MAP2K2: variants seen among roughly 807,000 people sequenced by gnomAD.
MAP2K2 encodes dual specificity mitogen-activated protein kinase kinase 2.
Under a neutral mutation model 43.7 loss-of-function variants are expected in MAP2K2, and 24 were observed. The observed-to-expected ratio is 0.55, with a 90% confidence interval of 0.40 to 0.77. The LOEUF (loss-of-function observed/expected upper bound fraction) is 0.77. Ranked by LOEUF, MAP2K2 falls within the 30% of genes least tolerant of loss-of-function variation. The probability of loss-of-function intolerance (pLI) is 0.00; values close to 1 mark genes in which losing one functional copy is unlikely to be tolerated. For synonymous variants in MAP2K2, 244 were observed against 239.7 expected (o/e 1.02, Z -0.17); for missense variants, 470 against 566.8 (o/e 0.83, Z 1.73).
chr19:4,118,311 G>A (rs2041252945), intron 1 of MAP2K2, among the ~76,000 whole-genome samples: 1 of 151,564 alleles, frequency 6.6e-6, no homozygotes, highest in African/African-American at 2.4e-5. Context: ...TCGGGTGAAC[G>A]GAGCCCGGGC....
chr19:4,101,100 G>T lies in MAP2K2; in HGVS notation c.624C>A (p.Ile208=), dbSNP rs1358415766. The change falls in exon 6 of 11, where the codon ATC becomes ATA. Residue 208 remains isoleucine (I), a synonymous_variant. Transcript: ENST00000262948. The surrounding 1 kb of genome is among the most constrained non-coding windows in gnomAD (Gnocchi z 6.3). ...SNILVNSRGE[I]KLCDFGVSGQ... is the part of the protein sequence containing the mutation. ...CGCTCACCCCGAAGTCACACAGCTT[G>T]ATCTCCCCTCTAGAGTTCACGAGGA... 6.2e-7 allele frequency: 1 copy of T among 1,605,982 alleles called. No individual in the cohort carries two copies. Among genetic ancestry groups the T allele is most frequent in the Admixed American group, 1.7e-5 (1 of 59,036 alleles).
intron 3 of MAP2K2, among the ~76,000 whole-genome samples, chr19:4,109,625 C>T (rs1256697438): frequency 6.6e-6 from 1 of 152,054 alleles, no homozygotes; most frequent in African/African-American, 2.4e-5. Flanking sequence ...AAAACAGGCA[C>T]GTGCCACCAC....
intron 3 of MAP2K2, among the ~76,000 whole-genome samples, chr19:4,106,508 A>G (rs2041087356): frequency 6.6e-6 from 1 of 152,128 alleles, no homozygotes; most frequent in South Asian, 2.1e-4. Context: ...TCCCGGGTGC[A>G]TGTGATTCTC....
intron 2 of MAP2K2, among the ~76,000 whole-genome samples, chr19:4,114,363 AG>A (rs1182681332): frequency 6.6e-5 from 10 of 152,346 alleles, no homozygotes; most frequent in Admixed American, 5.9e-4. Flanking sequence ...GCTTCGACTC[AG>A]GTCGTCACTT....
intron 2 of MAP2K2, among the ~76,000 whole-genome samples, chr19:4,113,414 C>A (rs1189478099): frequency 1.3e-5 from 2 of 152,154 alleles, no homozygotes; most frequent in Non-Finnish European, 2.9e-5. Context: ...GGCAGACAGA[C>A]AGACAGATGG....
At chr19:4,102,691 C>T in intron 3 of MAP2K2, 1 of 1,152,946 alleles carries the variant, frequency 8.7e-7, no homozygotes, top group African/African-American at 1.5e-5. Flanking sequence ...CCTCCCGTCC[C>T]ATCCTCGAAT....
At chr19:4,099,745 A>C in intron 6 of MAP2K2, 1 of 369,834 alleles carries the variant, frequency 2.7e-6, no homozygotes, top group Non-Finnish European at 5.0e-6. Flanking sequence ...GGCTGCTCCA[A>C]GGCTCAATTT....
At chr19:4,113,965 T>C (rs1267438172) in intron 2 of MAP2K2, among the ~76,000 whole-genome samples, 2 of 152,158 alleles carry the variant, frequency 1.3e-5, no homozygotes, top group East Asian at 3.9e-4. Flanking sequence ...CAGCCCACAC[T>C]GCGCTTCCAA....
chr19:4,117,239 C>T (rs546992831), intron 2 of MAP2K2, among the ~76,000 whole-genome samples, 180 bp downstream of exon 2: 87 of 152,204 alleles, frequency 5.7e-4, no homozygotes, highest in African/African-American at 1.3e-3. Context: ...GTGGCTGGCA[C>T]GGCTCCCATC....
intron 2 of MAP2K2, among the ~76,000 whole-genome samples, chr19:4,112,986 G>A (rs2041174970): frequency 6.6e-6 from 1 of 152,178 alleles, no homozygotes; most frequent in Non-Finnish European, 1.5e-5. Context: ...TGTTCAGCAC[G>A]TCCGGACTGA....
intron 6 of MAP2K2, 46 bp from the exon 7 acceptor site, chr19:4,099,460 C>A (rs1439673748): frequency 6.7e-7 from 1 of 1,494,434 alleles, no homozygotes; most frequent in Non-Finnish European, 9.2e-7. Context: ...GCGAGGATGG[C>A]AGCTGGAACC....
At chr19:4,102,552 G>A in intron 3 of MAP2K2, 99 bp from the exon 4 acceptor site, 2 of 1,037,434 alleles carry the variant, frequency 1.9e-6, no homozygotes, top group Non-Finnish European at 2.9e-6. Context: ...TCTGCCTCCT[G>A]ACGGGAAGCA....
At chr19:4,102,271 C>T (rs2041023238) in intron 4 of MAP2K2, 105 bp downstream of exon 4, 1 of 1,008,970 alleles carries the variant, frequency 9.9e-7, no homozygotes, top group Non-Finnish European at 1.5e-6. Context: ...GCAGGGGCCA[C>T]CCTAACCCCC....
At chr19:4,106,313 G>A (rs1039568237) in intron 3 of MAP2K2, among the ~76,000 whole-genome samples, 10 of 152,182 alleles carry the variant, frequency 6.6e-5, no homozygotes, top group African/African-American at 1.9e-4. Flanking sequence ...GGAGGCTGAC[G>A]TGGGAGGACA....
Position 4,101,783 on chromosome 19 carries a change from T to C in MAP2K2, c.529-503A>G, listed in dbSNP as rs2041015439. Among the ~76,000 whole-genome samples the C allele has an allele frequency of 6.6e-6, 1 of 152,132 alleles. No individual in the cohort carries two copies. The highest frequency in any genetic ancestry group is 1.5e-5 in the Non-Finnish European group (1 of 68,012). Reference sequence around the variant, plus strand: ...AGCACAGGCAGTGTGACGGCAGCTTTCAACTCGGAAACGCGTGTCTGGCAG... The same window carrying C: ...AGCACAGGCAGTGTGACGGCAGCTTCCAACTCGGAAACGCGTGTCTGGCAG... On this transcript the variant is annotated intron_variant, in intron 4 of 10. Transcript: ENST00000262948. This position sits in a 1 kb window ranked among gnomAD's most constrained non-coding sequence, Gnocchi z 6.3.
chr19:4,122,393 T>C (rs1487062191), intron 1 of MAP2K2, among the ~76,000 whole-genome samples: 3 of 5,672 alleles, frequency 5.3e-4, no homozygotes, highest in African/African-American at 1.1e-3. Context: ...CTCTCCCCCA[T>C]AGGGACCCCC....
In MAP2K2 at chr19:4,095,375, C is replaced by T. The variant is rs587781029; in HGVS notation, c.1046+13G>A. ...GTCCCGGCCAGGGGTGTGGGCAGCC[C>T]GGCTCCACCTACCATTTATTGACAA... On this transcript the variant is annotated intron_variant, in intron 9 of 10. Transcript: ENST00000262948. 1.5e-5 allele frequency: 23 copies of T among 1,550,544 alleles called. No homozygotes were observed. Among genetic ancestry groups the T allele is most frequent in the East Asian group, 2.4e-5 (1 of 40,902 alleles).
At chr19:4,111,949 G>C (rs1343311630) in intron 2 of MAP2K2, among the ~76,000 whole-genome samples, 2 of 151,700 alleles carry the variant, frequency 1.3e-5, no homozygotes, top group African/African-American at 4.9e-5. Context: ...GCGAGACTTT[G>C]TCTCAAAAAA....
chr19:4,118,181 G>A (rs551865900), intron 1 of MAP2K2, among the ~76,000 whole-genome samples: 2 of 152,240 alleles, frequency 1.3e-5, no homozygotes, highest in African/African-American at 2.4e-5. Flanking sequence ...TGAGTGATCC[G>A]CCTGCCTCAG....
Sources: gnomAD v4.1 joint callset for allele counts (sites outside exome capture counted in the v4.1 genomes callset) on GRCh38, gnomAD v4.1.1 for gene constraint, Gnocchi (gnomAD v3.1) non-coding constraint, MANE v1.5 for transcripts, NCBI Gene and HGNC (gene_info 2026-07-23, HGNC 2026-07-21) for gene names.